FSTL5: variants seen among roughly 807,000 people sequenced by gnomAD.
The protein encoded by FSTL5 is follistatin like 5, also known as follistatin-related protein 5.
In FSTL5, 62 loss-of-function variants were observed where a neutral mutation model predicts 89.1. The ratio of observed to expected loss-of-function variants is 0.70; its 90% CI spans 0.57 to 0.86. The LOEUF (loss-of-function observed/expected upper bound fraction) is 0.86, where lower values mean the gene tolerates loss of function less well. FSTL5 is among the 40% of genes least tolerant of loss of function. The probability of loss-of-function intolerance (pLI) is 0.00; values close to 1 mark genes in which losing one functional copy is unlikely to be tolerated. For synonymous variants in FSTL5, 383 were observed against 346.2 expected (o/e 1.11, Z -1.18); for missense variants, 1,057 against 1,001.6 (o/e 1.06, Z -0.75).
At chr4:161,979,062 T>C (rs568179025) in intron 3 of FSTL5, among the ~76,000 whole-genome samples, 2 of 152,200 alleles carry the variant, frequency 1.3e-5, no homozygotes, top group African/African-American at 4.8e-5. Context: ...AAAGATTAGA[T>C]CAAGCTAATG....
intron 5 of FSTL5, among the ~76,000 whole-genome samples, chr4:161,772,985 T>A (rs1405476667): frequency 2.6e-5 from 4 of 152,088 alleles, no homozygotes; most frequent in Non-Finnish European, 4.4e-5. Context: ...ATGGTACTGG[T>A]ATAAAAGTAG....
At chr4:161,627,012 G>T (rs1735337657) in intron 7 of FSTL5, among the ~76,000 whole-genome samples, 1 of 152,174 alleles carries the variant, frequency 6.6e-6, no homozygotes, top group African/African-American at 2.4e-5. Context: ...TACTGGGGAA[G>T]ATGCATGAAA....
chr4:162,002,716 T>C (rs1208436937), intron 3 of FSTL5, among the ~76,000 whole-genome samples: 1 of 152,090 alleles, frequency 6.6e-6, no homozygotes, highest in Non-Finnish European at 1.5e-5. Context: ...TTTTTTCCTA[T>C]TATATTAAAC....
intron 4 of FSTL5, among the ~76,000 whole-genome samples, chr4:161,878,603 C>A (rs182704657): frequency 6.6e-6 from 1 of 151,598 alleles, no homozygotes; most frequent in Non-Finnish European, 1.5e-5. Context: ...GAAAATACAA[C>A]GTTAGAATTG....
intron 1 of FSTL5, among the ~76,000 whole-genome samples, chr4:162,151,280 C>A (rs1733214052): frequency 6.6e-6 from 1 of 152,094 alleles, no homozygotes; most frequent in African/African-American, 2.4e-5. Context: ...ACTTCCCAAT[C>A]AAAAATAACT....
chr4:161,959,374 T>A (rs1735110940), intron 3 of FSTL5, among the ~76,000 whole-genome samples: 1 of 152,108 alleles, frequency 6.6e-6, no homozygotes, highest in Admixed American at 6.6e-5. Context: ...TATTTTATAG[T>A]ACCAAAATAA....
At chr4:161,977,311 T>C (rs937258135) in intron 3 of FSTL5, among the ~76,000 whole-genome samples, 5 of 152,078 alleles carry the variant, frequency 3.3e-5, no homozygotes, top group African/African-American at 1.2e-4. Flanking sequence ...TTTACCACAA[T>C]TTGAAAATAA....
intron 4 of FSTL5, among the ~76,000 whole-genome samples, chr4:161,884,299 A>C (rs1471489936): frequency 1.3e-5 from 2 of 152,072 alleles, no homozygotes; most frequent in Admixed American, 1.3e-4. Context: ...GCATTTTTCA[A>C]ACTGGTGTTT....
chr4:161,839,594 T>TGGCCGGGCG (rs1731149601), intron 4 of FSTL5, among the ~76,000 whole-genome samples: 1 of 152,180 alleles, frequency 6.6e-6, no homozygotes. Flanking sequence ...ATAAAATAAT[T>TGGCCGGGCG]CTGACAAAAA....
intron 7 of FSTL5, among the ~76,000 whole-genome samples, chr4:161,651,037 A>G (rs141887485): frequency 6.6e-6 from 1 of 152,100 alleles, no homozygotes. Context: ...CCTGACAACC[A>G]ATTCTATTTT....
intron 2 of FSTL5, among the ~76,000 whole-genome samples, chr4:162,034,955 A>G (rs1345285680): frequency 6.6e-6 from 1 of 152,144 alleles, no homozygotes; most frequent in Non-Finnish European, 1.5e-5. Flanking sequence ...TCTGCTCTTT[A>G]TTAATTGTTT....
intron 2 of FSTL5, among the ~76,000 whole-genome samples, chr4:162,038,705 G>A (rs1737833930): frequency 6.6e-6 from 1 of 151,836 alleles, no homozygotes; most frequent in Admixed American, 6.6e-5. Flanking sequence ...TGATGGCTAT[G>A]TTATAACGTG....
At chr4:161,801,781 T>C (rs1729801746) in intron 4 of FSTL5, among the ~76,000 whole-genome samples, 1 of 151,622 alleles carries the variant, frequency 6.6e-6, no homozygotes, top group Non-Finnish European at 1.5e-5. Flanking sequence ...GTAGGCATTC[T>C]ATCAAGTTTC....
At chr4:162,021,953 T>C (rs1737102720) in intron 3 of FSTL5, among the ~76,000 whole-genome samples, 1 of 151,876 alleles carries the variant, frequency 6.6e-6, no homozygotes, top group Non-Finnish European at 1.5e-5. Context: ...TAGGTAGGTG[T>C]GGTGGCGGGT....
chr4:162,154,586 A>G (rs908956095), intron 1 of FSTL5, among the ~76,000 whole-genome samples: 2 of 152,176 alleles, frequency 1.3e-5, no homozygotes, highest in Non-Finnish European at 1.5e-5. Context: ...TCATAATAAA[A>G]TATCCTTTGT....
intron 3 of FSTL5, among the ~76,000 whole-genome samples, chr4:161,983,434 G>A (rs1483548): frequency 1 from 152,039 of 152,316 alleles, 75,882 homozygotes; most frequent in Non-Finnish European, 1. Flanking sequence ...CTCTAAGGAC[G>A]AAAGCAGAAA....
intron 13 of FSTL5, among the ~76,000 whole-genome samples, chr4:161,460,508 A>G (rs1214773488): frequency 6.6e-6 from 1 of 151,450 alleles, no homozygotes; most frequent in African/African-American, 2.4e-5. Context: ...ATCCTTAGAG[A>G]ATTTTCTAAG....
At chr4:161,807,196 T>TACACACACACACACACACAC (rs10561299) in intron 4 of FSTL5, among the ~76,000 whole-genome samples, 26 of 146,630 alleles carry the variant, frequency 1.8e-4, no homozygotes, top group South Asian at 6.5e-4. Flanking sequence ...CACATGAGAA[T>TACACACACACACACACACAC]ACACACACAC....
At chr4:161,931,486 T>C (rs1324950659) in intron 3 of FSTL5, among the ~76,000 whole-genome samples, 1 of 151,912 alleles carries the variant, frequency 6.6e-6, no homozygotes, top group Non-Finnish European at 1.5e-5. Context: ...TAAGCAGCAT[T>C]ATGAGAAGTG....
Sources: gnomAD v4.1 joint callset for allele counts (sites outside exome capture counted in the v4.1 genomes callset) on GRCh38, gnomAD v4.1.1 for gene constraint, MANE v1.5 for transcripts, NCBI Gene and HGNC (gene_info 2026-07-23, HGNC 2026-07-21) for gene names.